The following DDX10 variants were observed in gnomAD, a reference collection of about 807,000 sequenced individuals.
DDX10 encodes the protein probable ATP-dependent RNA helicase DDX10.
A neutral mutation model predicts 104.3 loss-of-function variants in DDX10; 74 were observed. The observed-to-expected ratio is 0.71, with a 90% confidence interval of 0.59 to 0.86. DDX10 has a LOEUF of 0.86. Ranked by LOEUF, DDX10 falls within the 40% of genes least tolerant of loss-of-function variation. The pLI, the probability that DDX10 is intolerant of heterozygous loss-of-function variation, is 0.00. For synonymous variants in DDX10, 351 were observed against 353.4 expected, an observed-to-expected ratio of 0.99 and a Z score of 0.08; for missense variants, 952 against 1,040.0, an observed-to-expected ratio of 0.92 and a Z score of 1.16.
chr11:108,714,458 A>G (rs2094288706), intron 10 of DDX10, among the ~76,000 whole-genome samples: 1 of 150,316 alleles, frequency 6.7e-6, no homozygotes, highest in African/African-American at 2.4e-5. Flanking sequence ...TCAGCTTTTT[A>G]CTTATTGTTA....
At chr11:108,744,925 A>T (rs1489403547) in intron 13 of DDX10, among the ~76,000 whole-genome samples, 1 of 152,160 alleles carries the variant, frequency 6.6e-6, no homozygotes, top group Non-Finnish European at 1.5e-5. Context: ...AGAAAGAGGG[A>T]AAGAGGATAT....
chr11:108,874,994 A>G (rs959076083), intron 16 of DDX10, among the ~76,000 whole-genome samples: 17 of 152,194 alleles, frequency 1.1e-4, no homozygotes, highest in African/African-American at 3.9e-4. Context: ...TACCTATTTC[A>G]TAGCACTGTT....
intron 9 of DDX10, among the ~76,000 whole-genome samples, chr11:108,699,433 C>T (rs1379555736): frequency 1.3e-5 from 2 of 152,114 alleles, no homozygotes; most frequent in Non-Finnish European, 2.9e-5. Context: ...TGCATTCATT[C>T]TCAGATTTAT....
chr11:108,765,815 G>C (rs1462265617), intron 13 of DDX10, among the ~76,000 whole-genome samples: 1 of 152,160 alleles, frequency 6.6e-6, no homozygotes, highest in South Asian at 2.1e-4. Context: ...ACATTACTTG[G>C]TGAAGTGAGA....
chr11:108,671,404 TC>T (rs1201433898), intron 1 of DDX10, among the ~76,000 whole-genome samples: 3 of 152,222 alleles, frequency 2.0e-5, no homozygotes, highest in Non-Finnish European at 4.4e-5. Context: ...CCCCAGGTGA[TC>T]CGCCTGCCTT....
chr11:108,817,183 G>A (rs1862267170), intron 13 of DDX10, among the ~76,000 whole-genome samples: 1 of 152,190 alleles, frequency 6.6e-6, no homozygotes, highest in African/African-American at 2.4e-5. Flanking sequence ...GTGAGGACTT[G>A]CTGTATTCTT....
chr11:108,745,375 G>T (rs1477832594), intron 13 of DDX10, among the ~76,000 whole-genome samples: 8 of 151,354 alleles, frequency 5.3e-5, no homozygotes, highest in African/African-American at 1.9e-4. Flanking sequence ...CAAGTAGCTG[G>T]GACTATAGGT....
chr11:108,937,116 G>A (rs553520081), intron 17 of DDX10, among the ~76,000 whole-genome samples: 60 of 152,266 alleles, frequency 3.9e-4, no homozygotes, highest in African/African-American at 1.3e-3. Flanking sequence ...GAAGGACAAG[G>A]GGAAGACCCA....
At chr11:108,919,652 C>T (rs552232128) in intron 17 of DDX10, 1 of 152,304 alleles carries the variant, frequency 6.6e-6, no homozygotes, top group South Asian at 2.1e-4. Flanking sequence ...TTTCTGCAGC[C>T]ATATTTTGCA....
chr11:108,901,495 G>A (rs537640091), intron 16 of DDX10, among the ~76,000 whole-genome samples: 1 of 152,188 alleles, frequency 6.6e-6, no homozygotes, highest in African/African-American at 2.4e-5. Context: ...GCCTACGTAC[G>A]TCTTCTGAGA....
At chr11:108,779,155 A>C (rs1274550255) in intron 13 of DDX10, among the ~76,000 whole-genome samples, 3 of 152,206 alleles carry the variant, frequency 2.0e-5, no homozygotes, top group African/African-American at 7.2e-5. Context: ...TAGAACTAGA[A>C]ATACCATTTG....
intron 13 of DDX10, among the ~76,000 whole-genome samples, chr11:108,750,588 A>G (rs947694510): frequency 6.6e-5 from 10 of 151,972 alleles, no homozygotes; most frequent in Non-Finnish European, 1.0e-4. Flanking sequence ...AATGTTTCTA[A>G]TGTGTAATAT....
intron 16 of DDX10, among the ~76,000 whole-genome samples, chr11:108,856,766 T>C (rs1393532269): frequency 2.6e-5 from 4 of 152,168 alleles, no homozygotes; most frequent in African/African-American, 9.7e-5. Flanking sequence ...TTCTGATCCA[T>C]GAAATTGAAG....
intron 13 of DDX10, among the ~76,000 whole-genome samples, chr11:108,794,756 C>T (rs1416879266): frequency 2.6e-5 from 4 of 151,996 alleles, no homozygotes; most frequent in African/African-American, 9.7e-5. Context: ...GCTTGGTTCA[C>T]TTTGCAGATA....
intron 13 of DDX10, among the ~76,000 whole-genome samples, chr11:108,804,635 A>G (rs1862072547): frequency 6.6e-6 from 1 of 152,262 alleles, no homozygotes; most frequent in East Asian, 1.9e-4. Context: ...TCAGGGTCTC[A>G]TAAGGCTGCA....
chr11:108,766,950 T>C (rs1403247221), intron 13 of DDX10, among the ~76,000 whole-genome samples: 1 of 152,192 alleles, frequency 6.6e-6, no homozygotes, highest in African/African-American at 2.4e-5. Flanking sequence ...AACTTAATTA[T>C]TTTGAGAACC....
intron 13 of DDX10, among the ~76,000 whole-genome samples, chr11:108,810,143 GTATAA>G (rs1203626490): frequency 6.6e-6 from 1 of 152,148 alleles, no homozygotes; most frequent in East Asian, 1.9e-4. Context: ...TTCACTACAA[GTATAA>G]TATAATAAGT....
At chr11:108,782,613 T>A (rs151189048) in intron 13 of DDX10, among the ~76,000 whole-genome samples, 59 of 151,298 alleles carry the variant, frequency 3.9e-4, no homozygotes, top group African/African-American at 1.4e-3. Flanking sequence ...AAGTAAATAT[T>A]TTTTTTTTAC....
intron 17 of DDX10, among the ~76,000 whole-genome samples, chr11:108,937,575 C>G (rs796085366): frequency 8.5e-5 from 13 of 152,278 alleles, no homozygotes; most frequent in African/African-American, 3.1e-4. Flanking sequence ...GTTATCAAGA[C>G]AAGCTTTTGT....
Sources: gnomAD v4.1 joint callset for allele counts (sites outside exome capture counted in the v4.1 genomes callset) on GRCh38, gnomAD v4.1.1 for gene constraint, MANE v1.5 for transcripts, NCBI Gene and HGNC (gene_info 2026-07-23, HGNC 2026-07-21) for gene names.